The following PHF21B variants were observed in gnomAD, a reference collection of about 807,000 sequenced individuals.
PHF21B encodes the protein PHD finger protein 21B.
A neutral mutation model predicts 62.2 loss-of-function variants in PHF21B; 22 were observed. That is an observed-to-expected ratio of 0.35 (90% confidence interval 0.25 to 0.51). The LOEUF (loss-of-function observed/expected upper bound fraction) is 0.51. Ranked by LOEUF, PHF21B falls within the 20% of genes least tolerant of loss-of-function variation. The pLI is 0.97. For missense variants in PHF21B, 701 were observed against 707.9 expected (o/e 0.99, Z 0.11); for synonymous variants, 341 against 314.7 (o/e 1.08, Z -0.88).
At chr22:45,004,565 G>C (rs1321732443) in intron 2 of PHF21B, among the ~76,000 whole-genome samples, 1 of 152,204 alleles carries the variant, frequency 6.6e-6, no homozygotes, top group Non-Finnish European at 1.5e-5. Context: ...TCAACAATGA[G>C]AACTGGCACT....
chr22:44,984,089 T>TCGCCAC (rs1751682800), intron 2 of PHF21B, among the ~76,000 whole-genome samples: 2 of 38,764 alleles, frequency 5.2e-5, no homozygotes, highest in Non-Finnish European at 5.4e-5. Context: ...ACCATCACCA[T>TCGCCAC]CATCATCACC....
At chr22:44,922,575 T>C (rs1233668804) in intron 2 of PHF21B, among the ~76,000 whole-genome samples, 2 of 150,866 alleles carry the variant, frequency 1.3e-5, no homozygotes, top group East Asian at 3.9e-4. Flanking sequence ...GAGGTTGCAG[T>C]GAGCCGAGAT....
chr22:44,979,543 C>G (rs1416458180), intron 2 of PHF21B, among the ~76,000 whole-genome samples: 1 of 152,208 alleles, frequency 6.6e-6, no homozygotes, highest in Non-Finnish European at 1.5e-5. Context: ...GCCCAGTGTC[C>G]TCCCCAGCCT....
chr22:44,936,245 A>G (rs911158043), intron 2 of PHF21B, among the ~76,000 whole-genome samples: 8 of 152,180 alleles, frequency 5.3e-5, no homozygotes, highest in Non-Finnish European at 5.9e-5. Context: ...TGAGCCCTGG[A>G]GTGCTCCTCC....
At chr22:44,956,175 C>G (rs947669235) in intron 2 of PHF21B, among the ~76,000 whole-genome samples, 2 of 152,204 alleles carry the variant, frequency 1.3e-5, no homozygotes, top group Non-Finnish European at 2.9e-5. Flanking sequence ...CCAGGCTGGA[C>G]TCAATGGGTT....
chr22:44,966,495 A>G (rs568912066), intron 2 of PHF21B, among the ~76,000 whole-genome samples: 1 of 152,320 alleles, frequency 6.6e-6, no homozygotes, highest in South Asian at 2.1e-4. Flanking sequence ...AGGCCCCAGC[A>G]CTGGAGATGC....
intron 2 of PHF21B, among the ~76,000 whole-genome samples, chr22:44,999,560 C>T (rs1001337788): frequency 5.3e-5 from 8 of 152,278 alleles, no homozygotes; most frequent in South Asian, 2.1e-4. Flanking sequence ...GTCACCAGGA[C>T]GGTTACTAAC....
intron 2 of PHF21B, among the ~76,000 whole-genome samples, chr22:44,931,157 C>A (rs1205486301): frequency 3.3e-5 from 5 of 152,222 alleles, no homozygotes; most frequent in African/African-American, 1.2e-4. Context: ...TGGGCTCAAG[C>A]GAGTCACCCA....
chr22:44,963,959 T>C (rs1257267125), intron 2 of PHF21B, among the ~76,000 whole-genome samples: 1 of 152,168 alleles, frequency 6.6e-6, no homozygotes, highest in Non-Finnish European at 1.5e-5. Context: ...GCACTCAGGG[T>C]CATCTTTGGA....
At chr22:44,920,214 G>C (rs896275715) in intron 3 of PHF21B, among the ~76,000 whole-genome samples, 184 bp downstream of exon 3, 3 of 152,190 alleles carry the variant, frequency 2.0e-5, no homozygotes, top group Admixed American at 2.0e-4. Context: ...CTGAAGAAAC[G>C]TATCTGGTCC....
intron 2 of PHF21B, among the ~76,000 whole-genome samples, chr22:44,953,866 T>C (rs1025843177): frequency 5.3e-5 from 8 of 152,372 alleles, no homozygotes; most frequent in Middle Eastern, 3.4e-3. Flanking sequence ...ATCATGCCCA[T>C]CCAACAGCTG....
rs1283411741 is a variant in PHF21B at position 44,914,065 on chromosome 22, G to A, written c.588C>T (p.Ser196=). Residue 196 remains serine (S), a synonymous_variant, in exon 5 of 13, where the codon TCC becomes TCT. Transcript: ENST00000313237. ...DNKPPPRLLS[S]PHPATHHCPL... The stretch of plus-strand genomic sequence containing the variant: ...GACAGTGATGGGTTGCGGGGTGAGG[G>A]GAAGAGAGGAGGCGTGGAGGAGGCT... 1 of 1,237,662 alleles carries A rather than the reference G, an allele frequency of 8.1e-7. No individual in the cohort carries two copies. The highest frequency in any genetic ancestry group is 1.2e-6 in the Non-Finnish European group (1 of 866,302). The allele number at this position is 1,237,662 out of a possible 1,614,324, so 76.7% of individuals were successfully genotyped here.
At position 44,883,265 on chromosome 22, in the gene PHF21B, T is replaced by C. The variant is rs1333344407; in HGVS notation, c.1417A>G (p.Arg473Gly). The C allele has an allele frequency of 1.2e-6, 2 of 1,613,756 alleles. No individual in the cohort carries two copies. Among genetic ancestry groups the C allele is most frequent in the Admixed American group, 1.7e-5 (1 of 59,990 alleles). Residue 473 changes from arginine (R) to glycine (G), a missense_variant, in exon 13 of 13, where the codon AGG (arginine) becomes GGG (glycine). Physicochemically the swap from Arg to Gly is moderately radical, Grantham distance 125. Coordinates refer to ENST00000313237, the MANE Select transcript of PHF21B (RefSeq NM_138415.5). Reference protein sequence around the residue: ...ELKTSLLARQRGTQSSLDRLR... With the variant: ...ELKTSLLARQGGTQSSLDRLR... ...CGGTCCAGGGATGACTGGGTGCCCC[T>C]CTGGCGGGCCAGCAGGCTTGTCTTC...
chr22:45,005,511 A>C (rs2073299539), intron 2 of PHF21B, among the ~76,000 whole-genome samples: 1 of 152,218 alleles, frequency 6.6e-6, no homozygotes, highest in South Asian at 2.1e-4. Flanking sequence ...CCTGACCAAT[A>C]AGCTATCTAC....
chr22:44,956,323 A>G (rs1458178997), intron 2 of PHF21B, among the ~76,000 whole-genome samples: 1 of 152,092 alleles, frequency 6.6e-6, no homozygotes, highest in Non-Finnish European at 1.5e-5. Context: ...CAGAGGCCCG[A>G]CCCAGGGGCC....
chr22:44,981,943 G>C lies in PHF21B; in HGVS notation c.120+26602C>G, dbSNP rs544562821. ...ACACGTACCCCACTGCTGAGAAAGG[G>C]GCTCGTGCCACCCTAGGGCCAGGGG... On this transcript the variant is annotated intron_variant, in intron 2 of 12. Coordinates refer to ENST00000313237, the MANE Select transcript of PHF21B (RefSeq NM_138415.5). Among the ~76,000 whole-genome samples the C allele has an allele frequency of 5.3e-3, 807 of 152,348 alleles. 13 individuals are homozygous for C. Among genetic ancestry groups the C allele is most frequent in the African/African-American group, 0.018 (751 of 41,590 alleles).
chr22:44,889,341 C>A lies in PHF21B; in HGVS notation c.1038+419G>T, dbSNP rs181853330. ...GAAATGTGGGTGTGTGGGGTGAGTCCCTGGGGATTAACAAGTCCAGCCCCT... is the reference window on the plus strand; with the variant it reads ...GAAATGTGGGTGTGTGGGGTGAGTCACTGGGGATTAACAAGTCCAGCCCCT... On this transcript the variant is annotated intron_variant, in intron 9 of 12. Transcript: ENST00000313237. 3.3e-3 allele frequency among the ~76,000 whole-genome samples: 505 copies of A among 152,242 alleles called. 3 individuals are homozygous for A. Among genetic ancestry groups the A allele is most frequent in the African/African-American group, 0.012 (486 of 41,534 alleles).
intron 2 of PHF21B, chr22:45,002,147 AAAT>A (rs1020261133): frequency 5.3e-5 from 8 of 152,228 alleles, no homozygotes; most frequent in Non-Finnish European, 8.8e-5. Context: ...GTAACAGACA[AAAT>A]AATAACTATT....
At chr22:44,913,796 G>A (rs1238292040) in intron 5 of PHF21B, 26 bp downstream of exon 5, 2 of 1,602,462 alleles carry the variant, frequency 1.2e-6, no homozygotes, top group Non-Finnish European at 1.7e-6. Flanking sequence ...AGCAGGGCCT[G>A]GGCCCTCCGG....
Sources: gnomAD v4.1 joint callset for allele counts (sites outside exome capture counted in the v4.1 genomes callset) on GRCh38, gnomAD v4.1.1 for gene constraint, MANE v1.5 for transcripts, NCBI Gene and HGNC (gene_info 2026-07-23, HGNC 2026-07-21) for gene names.